CPQ: variants seen among roughly 807,000 people sequenced by gnomAD.
CPQ encodes the protein Ser-Met dipeptidase.
In CPQ, 37 loss-of-function variants were observed where a neutral mutation model predicts 45.7. The observed-to-expected ratio is 0.81, with a 90% CI of 0.62 to 1.07. The LOEUF (loss-of-function observed/expected upper bound fraction) is 1.07. CPQ is among the 50% of genes least tolerant of loss of function. The pLI is 0.00. For missense variants in CPQ, 537 were observed against 572.9 expected (o/e 0.94, Z 0.64); for synonymous variants, 186 against 205.8 (o/e 0.90, Z 0.82).
chr8:97,073,417 C>G (rs1810787739), intron 7 of CPQ, among the ~76,000 whole-genome samples: 1 of 152,222 alleles, frequency 6.6e-6, no homozygotes, highest in African/African-American at 2.4e-5. Flanking sequence ...CCCAGCGGCT[C>G]TATATCCCCT....
chr8:97,127,409 A>C (rs1415084349), intron 7 of CPQ, among the ~76,000 whole-genome samples: 3 of 152,194 alleles, frequency 2.0e-5, no homozygotes, highest in Non-Finnish European at 2.9e-5. Flanking sequence ...TCATTGAAAT[A>C]CAAATTAAGG....
chr8:96,734,176 A>G (rs1249979380), intron 1 of CPQ, among the ~76,000 whole-genome samples: 1 of 152,004 alleles, frequency 6.6e-6, no homozygotes, highest in East Asian at 1.9e-4. Flanking sequence ...TCATTTCTAC[A>G]CTCCATCTTC....
intron 4 of CPQ, among the ~76,000 whole-genome samples, chr8:96,897,638 A>G (rs1812460549): frequency 1.3e-5 from 2 of 152,212 alleles, no homozygotes. Context: ...GGTGTATAAG[A>G]AACATAAATT....
At chr8:96,877,404 A>T (rs1315177104) in intron 3 of CPQ, among the ~76,000 whole-genome samples, 2 of 152,212 alleles carry the variant, frequency 1.3e-5, no homozygotes, top group African/African-American at 4.8e-5. Context: ...GTCTAGAAAC[A>T]CTACTTAAAA....
intron 1 of CPQ, among the ~76,000 whole-genome samples, chr8:96,693,476 C>A (rs1437487143): frequency 3.9e-5 from 6 of 152,002 alleles, no homozygotes; most frequent in Non-Finnish European, 8.8e-5. Context: ...AAAAAAGAAA[C>A]AAATAACATA....
chr8:96,746,732 C>A (rs937776990), intron 1 of CPQ, among the ~76,000 whole-genome samples: 1 of 152,140 alleles, frequency 6.6e-6, no homozygotes, highest in Non-Finnish European at 1.5e-5. Context: ...CTGAGTAGTT[C>A]TTTTAAACCT....
chr8:96,833,145 G>A (rs1811481803), intron 2 of CPQ, among the ~76,000 whole-genome samples: 1 of 152,122 alleles, frequency 6.6e-6, no homozygotes. Context: ...AGAGATGACT[G>A]TGAGTTTTCA....
At chr8:97,037,510 T>C (rs553940597) in intron 6 of CPQ, among the ~76,000 whole-genome samples, 1 of 152,320 alleles carries the variant, frequency 6.6e-6, no homozygotes, top group Non-Finnish European at 1.5e-5. Context: ...TGGGCCTTTA[T>C]GCATCCTGTA....
chr8:96,738,575 G>C (rs896864984), intron 1 of CPQ, among the ~76,000 whole-genome samples: 7 of 151,866 alleles, frequency 4.6e-5, no homozygotes, highest in African/African-American at 1.5e-4. Flanking sequence ...TTGTCATCTA[G>C]CATTAGGTAT....
chr8:97,021,097 C>T (rs1349539313), intron 5 of CPQ, among the ~76,000 whole-genome samples: 1 of 152,140 alleles, frequency 6.6e-6, no homozygotes, highest in East Asian at 1.9e-4. Flanking sequence ...TGATACACCA[C>T]ATAAGCAGAA....
intron 4 of CPQ, among the ~76,000 whole-genome samples, chr8:96,893,721 T>C (rs1812406040): frequency 6.6e-6 from 1 of 152,190 alleles, no homozygotes; most frequent in African/African-American, 2.4e-5. Flanking sequence ...CCTAGAGCCC[T>C]GCAATTTTAT....
At chr8:96,670,827 A>G (rs1207755684) in intron 1 of CPQ, among the ~76,000 whole-genome samples, 1 of 151,582 alleles carries the variant, frequency 6.6e-6, no homozygotes, top group Non-Finnish European at 1.5e-5. Flanking sequence ...TGACAGAATT[A>G]TAGAAATGAA....
chr8:96,770,180 G>C (rs1810522385), intron 1 of CPQ, among the ~76,000 whole-genome samples: 1 of 152,162 alleles, frequency 6.6e-6, no homozygotes, highest in Admixed American at 6.5e-5. Flanking sequence ...TATGATGTCT[G>C]AGAGTGTGGC....
At chr8:96,985,425 CT>C (rs1324927954) in intron 5 of CPQ, among the ~76,000 whole-genome samples, 3 of 152,156 alleles carry the variant, frequency 2.0e-5, no homozygotes, top group African/African-American at 7.2e-5. Flanking sequence ...ATCTCTTCAA[CT>C]TGCTTTACAA....
intron 2 of CPQ, among the ~76,000 whole-genome samples, chr8:96,808,876 C>G (rs758975627): frequency 1.2e-4 from 18 of 152,124 alleles, no homozygotes; most frequent in Non-Finnish European, 2.2e-4. Context: ...TGTTATCAGA[C>G]AGATGGCATA....
intron 7 of CPQ, among the ~76,000 whole-genome samples, chr8:97,120,537 G>A (rs1811684097): frequency 1.3e-5 from 2 of 152,032 alleles, no homozygotes; most frequent in African/African-American, 4.8e-5. Context: ...CTGATCTATT[G>A]CCACTAGTGC....
At chr8:96,875,450 T>C (rs1231905865) in intron 3 of CPQ, among the ~76,000 whole-genome samples, 1 of 151,992 alleles carries the variant, frequency 6.6e-6, no homozygotes, top group Non-Finnish European at 1.5e-5. Flanking sequence ...AAGGCTATGA[T>C]TCATTTTGAA....
intron 4 of CPQ, among the ~76,000 whole-genome samples, chr8:96,923,188 A>G (rs892852478): frequency 2.0e-5 from 3 of 152,230 alleles, no homozygotes; most frequent in African/African-American, 4.8e-5. Context: ...CCATTTGACT[A>G]TACCTCTATG....
intron 1 of CPQ, among the ~76,000 whole-genome samples, chr8:96,753,954 C>CT (rs1198553191): frequency 1.3e-5 from 2 of 151,668 alleles, no homozygotes; most frequent in Admixed American, 1.3e-4. Context: ...ATCAAATGAT[C>CT]TTTTGTTCTT....
Sources: allele counts gnomAD v4.1 joint callset (sites outside exome capture counted in the v4.1 genomes callset), GRCh38; gene constraint gnomAD v4.1.1; transcripts MANE v1.5; gene names NCBI Gene and HGNC (gene_info 2026-07-23, HGNC 2026-07-21).